The following FAT3 variants were observed in gnomAD, a reference collection of about 807,000 sequenced individuals.
FAT3 encodes protocadherin Fat 3.
A neutral mutation model predicts 310.2 loss-of-function variants in FAT3; 95 were observed. The ratio of observed to expected loss-of-function variants is 0.31; its 90% confidence interval spans 0.26 to 0.36. The LOEUF (loss-of-function observed/expected upper bound fraction) is 0.36. Ranked by LOEUF, FAT3 falls within the 10% of genes least tolerant of loss-of-function variation. The pLI is 1.00. For missense variants in FAT3, 5,408 were observed against 5,715.6 expected (o/e 0.95, Z 1.74); for synonymous variants, 2,314 against 2,192.9 (o/e 1.06, Z -1.54).
intron 4 of FAT3, among the ~76,000 whole-genome samples, chr11:92,723,064 G>A (rs367667759): frequency 1.7e-4 from 26 of 152,238 alleles, no homozygotes; most frequent in African/African-American, 5.1e-4. Flanking sequence ...TTCTGCAGAC[G>A]GCTTGAATTT....
chr11:92,478,948 C>CTTTCTTTCTTTTCTTTTCT (rs1555058204), intron 2 of FAT3, among the ~76,000 whole-genome samples: 8 of 114,520 alleles, frequency 7.0e-5, no homozygotes, highest in African/African-American at 2.9e-4. Context: ...TTCTTTCTTT[C>CTTTCTTTCTTTTCTTTTCT]TTTCTTTTCT....
intron 3 of FAT3, among the ~76,000 whole-genome samples, chr11:92,667,656 G>C (rs1283178777): frequency 6.6e-6 from 1 of 152,118 alleles, no homozygotes; most frequent in Non-Finnish European, 1.5e-5. Flanking sequence ...CTCTTGCTGG[G>C]TCACTGATGT....
intron 3 of FAT3, among the ~76,000 whole-genome samples, chr11:92,549,722 A>C (rs904884219): frequency 1.3e-5 from 2 of 152,154 alleles, no homozygotes; most frequent in Non-Finnish European, 2.9e-5. Context: ...TCATTGAAGA[A>C]ATTAATGTTT....
chr11:92,799,953 G>A lies in FAT3; in HGVS notation c.6940G>A (p.Ala2314Thr). 6.2e-7 allele frequency: 1 copy of A among 1,612,736 alleles called. No individual in the cohort carries two copies. The highest frequency in any genetic ancestry group is 8.5e-7 in the Non-Finnish European group (1 of 1,179,292). Residue 2314 changes from alanine (A) to threonine (T), a missense_variant, in exon 10 of 28, where the codon GCA becomes ACA. By Grantham distance (58) the Ala-to-Thr change is moderately conservative. Coordinates refer to ENST00000525166, the MANE Select transcript of FAT3 (RefSeq NM_001367949.2). The stretch of plus-strand genomic sequence containing the variant: ...TGTTTTACAAGTTGTCTCTATTGAT[G>A]CAGACTCAGAAAACAATAAAATGGT... The part of the protein sequence containing the change: ...TPVLQVVSID[A>T]DSENNKMVHY...
At chr11:92,596,432 C>T (rs2135574146) in intron 3 of FAT3, among the ~76,000 whole-genome samples, 1 of 152,264 alleles carries the variant, frequency 6.6e-6, no homozygotes, top group Non-Finnish European at 1.5e-5. Flanking sequence ...GTTATGGGTG[C>T]TGTACTCTGG....
chr11:92,524,106 G>A (rs984470753), intron 2 of FAT3, among the ~76,000 whole-genome samples: 13 of 152,064 alleles, frequency 8.5e-5, no homozygotes, highest in African/African-American at 3.1e-4. Context: ...ACCTTTGCAG[G>A]CAAAATATTT....
intron 3 of FAT3, among the ~76,000 whole-genome samples, chr11:92,578,381 A>G (rs1186910466): frequency 6.6e-6 from 1 of 152,048 alleles, no homozygotes; most frequent in Non-Finnish European, 1.5e-5. Context: ...TGGAAACACT[A>G]GTGTACTCCC....
intron 21 of FAT3, among the ~76,000 whole-genome samples, chr11:92,860,569 C>T (rs527687849): frequency 5.0e-4 from 76 of 152,170 alleles, no homozygotes; most frequent in African/African-American, 1.7e-3. Context: ...ATTCAGAGTC[C>T]GTCCAGTGGA....
At chr11:92,403,287 A>C (rs532950305) in intron 2 of FAT3, 3 of 152,176 alleles carry the variant, frequency 2.0e-5, no homozygotes, top group East Asian at 3.9e-4. Context: ...TACTTTACCC[A>C]CTCTTCTAAG....
chr11:92,882,747 G>A lies in FAT3; in HGVS notation c.12291G>A (p.Glu4097=), dbSNP rs2136407626. The change falls in exon 24 of 28, where the codon GAG becomes GAA. Residue 4097 remains glutamate (E), a synonymous_variant. Transcript: ENST00000525166. ...TTCTGTGTCGCCGCAGGTGTGAGGA[G>A]GACATCAATGAGTGCGAACGAGAGG... The part of the protein sequence containing the change: ...KAGLTGVTCE[E]DINECEREEC... 1 of 1,600,634 alleles carries A rather than the reference G, an allele frequency of 6.2e-7. No homozygotes were observed. Among genetic ancestry groups the A allele is most frequent in the Non-Finnish European group, 8.5e-7 (1 of 1,171,882 alleles).
At chr11:92,811,995 G>T (rs1947686441) in intron 13 of FAT3, among the ~76,000 whole-genome samples, 1 of 152,208 alleles carries the variant, frequency 6.6e-6, no homozygotes, top group Admixed American at 6.5e-5. Flanking sequence ...CGAAGTGGTT[G>T]TGAAGGTCTT....
At chr11:92,608,574 A>G (rs544039455) in intron 3 of FAT3, among the ~76,000 whole-genome samples, 32 of 152,194 alleles carry the variant, frequency 2.1e-4, no homozygotes, top group African/African-American at 7.5e-4. Flanking sequence ...CAACCGCACA[A>G]TGAAACAAGA....
intron 10 of FAT3, among the ~76,000 whole-genome samples, chr11:92,804,886 G>T (rs1048862352): frequency 5.3e-5 from 8 of 152,152 alleles, no homozygotes; most frequent in Non-Finnish European, 8.8e-5. Context: ...TGTTCTTAAG[G>T]GGAACTAAAC....
In FAT3 at chr11:92,890,857, T is replaced by C; in HGVS notation, c.13514T>C (p.Leu4505Ser). ...CACCCATTCCCCAACGAAACGGATT[T>C]GGTGGGCCCGCCTGCCAGCTGTGAA... is the stretch of plus-strand genomic sequence containing the variant. ...PPHPFPNETD[L>S]VGPPASCEFS... Residue 4505 changes from leucine to serine, a missense_variant, in exon 28 of 28, where the codon TTG (leucine) becomes TCG (serine). Leu to Ser is a moderately radical substitution (Grantham distance 145, BLOSUM62 -2). Around this residue, in one of 5 missense-constraint regions of FAT3, gnomAD observed 649 missense variants for 666.2 expected, o/e 0.97. Transcript: ENST00000525166. The C allele has an allele frequency of 6.2e-7, 1 of 1,613,434 alleles. No individual in the cohort carries two copies. The highest frequency in any genetic ancestry group is 8.5e-7 in the Non-Finnish European group (1 of 1,179,720).
chr11:92,528,079 A>G (rs1291866334), intron 3 of FAT3, among the ~76,000 whole-genome samples: 1 of 152,250 alleles, frequency 6.6e-6, no homozygotes, highest in African/African-American at 2.4e-5. Context: ...TACAGCTTGT[A>G]GCAGATAACA....
intron 2 of FAT3, among the ~76,000 whole-genome samples, chr11:92,464,262 A>T (rs1951707071): frequency 6.6e-6 from 1 of 152,170 alleles, no homozygotes; most frequent in African/African-American, 2.4e-5. Context: ...GTTAGAGCAA[A>T]CCACAGTGTG....
rs2136397121 is a variant in FAT3, at chr11:92,880,726, C to T, written c.12128-5C>T. 6.2e-7 allele frequency: 1 copy of T among 1,611,178 alleles called. No individual in the cohort carries two copies. The highest frequency in any genetic ancestry group is 8.5e-7 in the Non-Finnish European group (1 of 1,178,672). On this transcript the variant is annotated splice_polypyrimidine_tract_variant and splice_region_variant and intron_variant, in intron 22 of 27. Coordinates refer to ENST00000525166, the MANE Select transcript of FAT3 (RefSeq NM_001367949.2). ...CATGGCTCATGAGGTCCTCTGTTTC[C>T]CCAGGCTATCAGTGTACCTGTCTCT... is the stretch of plus-strand genomic sequence containing the variant.
At chr11:92,334,786 C>G (rs1948013062) in intron 1 of FAT3, among the ~76,000 whole-genome samples, 1 of 152,110 alleles carries the variant, frequency 6.6e-6, no homozygotes, top group Admixed American at 6.5e-5. Flanking sequence ...TTGAAACAGC[C>G]CCAGGCCAGC....
Position 92,354,099 on chromosome 11 carries a change from G to A in FAT3, c.1987G>A (p.Asp663Asn), listed in dbSNP as rs779908498. The A allele has an allele frequency of 1.2e-6, 2 of 1,613,572 alleles. No homozygotes were observed. The highest frequency in any genetic ancestry group is 2.7e-5 in the African/African-American group (2 of 74,892). Reference sequence around the variant, plus strand: ...AGCAACTGATGGAGAGAATCTTGCAGACCCCATGTCTATTAACATTTCAGT... The same window carrying A: ...AGCAACTGATGGAGAGAATCTTGCAAACCCCATGTCTATTAACATTTCAGT... ...ITATDGENLA[D>N]PMSINISVLH... The change falls in exon 2 of 28, where the codon GAC (aspartate) becomes AAC (asparagine). Residue 663 changes from aspartate to asparagine, a missense_variant. Physicochemically the swap from Asp to Asn is conservative, Grantham distance 23. Transcript: ENST00000525166.
Sources: allele counts gnomAD v4.1 joint callset (sites outside exome capture counted in the v4.1 genomes callset), GRCh38; gene constraint gnomAD v4.1.1; regional missense constraint gnomAD v4.1.1; transcripts MANE v1.5; gene names NCBI Gene and HGNC (gene_info 2026-07-23, HGNC 2026-07-21).